Variants in DYNC1I2 observed in about 807,000 individuals in gnomAD.
DYNC1I2 encodes dynein cytoplasmic 1 intermediate chain 2.
Under a neutral mutation model 88.6 loss-of-function variants are expected in DYNC1I2, and 53 were observed. The ratio of observed to expected loss-of-function variants is 0.60; its 90% CI spans 0.48 to 0.75. The LOEUF (loss-of-function observed/expected upper bound fraction) is 0.75. Among genes scored for constraint, DYNC1I2 ranks in the 30% least tolerant of loss-of-function variants. The probability of loss-of-function intolerance (pLI) is 0.00; values close to 1 mark genes in which losing one functional copy is unlikely to be tolerated. For synonymous variants in DYNC1I2, 198 were observed against 254.6 expected (o/e 0.78, Z 2.12); for missense variants, 458 against 766.6 (o/e 0.60, Z 4.75).
chr2:171,729,620 G>T, intron 14 of DYNC1I2, 89 bp from the exon 15 acceptor site: 1 of 1,388,034 alleles, frequency 7.2e-7, no homozygotes, highest in Admixed American at 2.0e-5. Flanking sequence ...ATGAAGTCAA[G>T]GCCTGATATA....
intron 11 of DYNC1I2, among the ~76,000 whole-genome samples, chr2:171,727,542 T>G (rs1688332371): frequency 6.6e-6 from 1 of 152,172 alleles, no homozygotes; most frequent in Admixed American, 6.6e-5. Context: ...TTTAATACTG[T>G]AGTTAACTGA....
At chr2:171,739,441 C>T (rs1689242423) in intron 15 of DYNC1I2, among the ~76,000 whole-genome samples, 1 of 152,032 alleles carries the variant, frequency 6.6e-6, no homozygotes, top group Non-Finnish European at 1.5e-5. Context: ...CATGACCAAT[C>T]TTGTCTATAC....
rs576742725 is a variant in DYNC1I2, at chr2:171,716,885, G to A, written c.511+1442G>A. Among the ~76,000 whole-genome samples the A allele has an allele frequency of 3.4e-4, 47 of 139,078 alleles. No homozygotes were observed. The Admixed American group carries it at 3.5e-3, about 10-fold the overall frequency. 91.2% of individuals were successfully genotyped at this position (139,078 alleles called of 152,430 possible). On this transcript the variant is annotated intron_variant, in intron 7 of 17. Coordinates refer to ENST00000397119, the MANE Select transcript of DYNC1I2 (RefSeq NM_001378.3). Reference sequence around the variant, plus strand: ...TGCGCCACTGCACTCCAGCCTGAGCGACAGAGCAAGACTCCGTTTAAAAAA... The same window carrying A: ...TGCGCCACTGCACTCCAGCCTGAGCAACAGAGCAAGACTCCGTTTAAAAAA...
At chr2:171,712,944 T>A in intron 6 of DYNC1I2, 118 bp downstream of exon 6, 1 of 819,884 alleles carries the variant, frequency 1.2e-6, no homozygotes, top group Non-Finnish European at 2.0e-6. Flanking sequence ...GGACAAGAGT[T>A]ATATTTTACT....
intron 15 of DYNC1I2, among the ~76,000 whole-genome samples, chr2:171,731,117 C>G (rs1036416750): frequency 6.6e-6 from 1 of 152,160 alleles, no homozygotes; most frequent in East Asian, 1.9e-4. Flanking sequence ...TCTCTTTTAC[C>G]TCTTAATGGG....
At chr2:171,701,390 G>A (rs958157411) in intron 3 of DYNC1I2, among the ~76,000 whole-genome samples, 2 of 151,856 alleles carry the variant, frequency 1.3e-5, no homozygotes, top group Non-Finnish European at 2.9e-5. Context: ...GGCTAGTCTC[G>A]AACTCCTGAC....
intron 8 of DYNC1I2, 26 bp from the exon 9 acceptor site, chr2:171,725,893 A>G (rs1460171270): frequency 6.4e-7 from 1 of 1,551,284 alleles, no homozygotes; most frequent in Non-Finnish European, 8.6e-7. Flanking sequence ...CATAAATCAT[A>G]CTTCAAAAAA....
chr2:171,729,639 TAATAA>T, intron 14 of DYNC1I2, 65 bp from the exon 15 acceptor site: 1 of 1,534,226 alleles, frequency 6.5e-7, no homozygotes, highest in Non-Finnish European at 8.9e-7. Context: ...TATAAACCTA[TAATAA>T]AATGTGTATG....
chr2:171,723,439 G>A (rs1688027404), intron 7 of DYNC1I2, among the ~76,000 whole-genome samples: 1 of 152,100 alleles, frequency 6.6e-6, no homozygotes, highest in South Asian at 2.1e-4. Flanking sequence ...TGAAATAGAT[G>A]TCCTATTATT....
At chr2:171,732,951 T>G (rs931053387) in intron 15 of DYNC1I2, among the ~76,000 whole-genome samples, 3 of 152,180 alleles carry the variant, frequency 2.0e-5, no homozygotes, top group Non-Finnish European at 2.9e-5. Context: ...GTATTAAGCC[T>G]ACTATCCATT....
intron 5 of DYNC1I2, 119 bp downstream of exon 5, chr2:171,707,496 T>C: frequency 1.2e-6 from 1 of 801,030 alleles, no homozygotes; most frequent in South Asian, 4.2e-5. Flanking sequence ...TTTTAAAATC[T>C]AAAATGGCAT....
chr2:171,698,752 C>G (rs1398121060), intron 3 of DYNC1I2, among the ~76,000 whole-genome samples: 1 of 152,052 alleles, frequency 6.6e-6, no homozygotes, highest in Non-Finnish European at 1.5e-5. Flanking sequence ...GCCTGTGGTC[C>G]TAGCTACTTG....
intron 6 of DYNC1I2, among the ~76,000 whole-genome samples, chr2:171,713,968 GTA>G (rs1687307953): frequency 6.6e-6 from 1 of 152,062 alleles, no homozygotes; most frequent in African/African-American, 2.4e-5. Context: ...CGTTTGTTTA[GTA>G]TTATGGTTTT....
intron 15 of DYNC1I2, among the ~76,000 whole-genome samples, chr2:171,733,336 G>T (rs1432575066): frequency 6.6e-6 from 1 of 152,094 alleles, no homozygotes; most frequent in South Asian, 2.1e-4. Context: ...TAATGGGATT[G>T]CCTGGTCAAA....
At chr2:171,724,700 G>T (rs1241170823) in intron 7 of DYNC1I2, among the ~76,000 whole-genome samples, 1 of 152,198 alleles carries the variant, frequency 6.6e-6, no homozygotes, top group Admixed American at 6.5e-5. Context: ...CTGCACTCTG[G>T]TGCAGATGCC....
At position 171,710,120 on chromosome 2, in the gene DYNC1I2, T is replaced by TACAC. The variant is rs1383615743; in HGVS notation, c.336-2646_336-2645insCACA. On this transcript the variant is annotated intron_variant, in intron 5 of 17. Coordinates refer to ENST00000397119, the MANE Select transcript of DYNC1I2 (RefSeq NM_001378.3). The stretch of plus-strand genomic sequence containing the variant: ...CTGAGTATATTCATTTTTATGTATA[T>TACAC]ATACACACACACACACACACACACA... Among the ~76,000 whole-genome samples the TACAC allele has an allele frequency of 9.1e-3, 875 of 95,672 alleles. 6 individuals are homozygous for TACAC. The highest frequency in any genetic ancestry group is 0.023 in the South Asian group (68 of 3,000). The allele number at this position is 95,672 out of a possible 152,430, so 62.8% of individuals were successfully genotyped here.
intron 15 of DYNC1I2, among the ~76,000 whole-genome samples, chr2:171,742,921 G>A (rs887998976): frequency 6.6e-6 from 1 of 152,164 alleles, no homozygotes; most frequent in Non-Finnish European, 1.5e-5. Flanking sequence ...CACCCAGACT[G>A]TACCATGAGA....
intron 15 of DYNC1I2, among the ~76,000 whole-genome samples, chr2:171,735,356 T>C (rs1393609930): frequency 6.6e-6 from 1 of 152,158 alleles, no homozygotes; most frequent in Non-Finnish European, 1.5e-5. Context: ...AGCACCCTAA[T>C]CTGAAAATTC....
chr2:171,697,088 C>A (rs984847297), intron 3 of DYNC1I2, among the ~76,000 whole-genome samples: 3 of 152,080 alleles, frequency 2.0e-5, no homozygotes, highest in Non-Finnish European at 4.4e-5. Context: ...ATAGCCTCAA[C>A]CTCCCAGGCT....
Sources: gnomAD v4.1 joint callset for allele counts (sites outside exome capture counted in the v4.1 genomes callset) on GRCh38, gnomAD v4.1.1 for gene constraint, MANE v1.5 for transcripts, NCBI Gene and HGNC (gene_info 2026-07-23, HGNC 2026-07-21) for gene names.